The following PTPRE variants were observed in gnomAD, a reference collection of about 807,000 sequenced individuals.
The protein encoded by PTPRE is receptor-type tyrosine-protein phosphatase epsilon.
In PTPRE, 51 loss-of-function variants were observed where a neutral mutation model predicts 102.0. The ratio of observed to expected loss-of-function variants is 0.50; its 90% CI spans 0.40 to 0.63. The LOEUF is 0.63. Among genes scored for constraint, PTPRE ranks in the 30% least tolerant of loss-of-function variants. PTPRE has a pLI of 0.00. For synonymous variants in PTPRE, 345 were observed against 348.2 expected (o/e 0.99, Z 0.10); for missense variants, 752 against 915.1 (o/e 0.82, Z 2.30).
intron 1 of PTPRE, among the ~76,000 whole-genome samples, chr10:127,947,652 C>T (rs774303869): frequency 1.3e-5 from 2 of 152,158 alleles, no homozygotes; most frequent in Non-Finnish European, 2.9e-5. Flanking sequence ...TTAAAGGAGG[C>T]CTCCTTTCCC....
At chr10:128,052,973 G>C (rs1251538908) in intron 6 of PTPRE, among the ~76,000 whole-genome samples, 1 of 152,186 alleles carries the variant, frequency 6.6e-6, no homozygotes, top group East Asian at 1.9e-4. Flanking sequence ...TCTAGGCCGG[G>C]TGTGGTGGCT....
intron 1 of PTPRE, among the ~76,000 whole-genome samples, chr10:127,973,476 G>A (rs1850914637): frequency 6.6e-6 from 1 of 151,986 alleles, no homozygotes; most frequent in South Asian, 2.1e-4. Flanking sequence ...AGTTTAAATG[G>A]TTCAGATCAG....
rs1255636071 is a variant in PTPRE, at chr10:128,070,728, G to A, written c.1294-80G>A. 4 of 1,456,492 alleles carry A rather than the reference G, an allele frequency of 2.7e-6. No individual in the cohort carries two copies. The highest frequency in any genetic ancestry group is 3.8e-6 in the Non-Finnish European group (4 of 1,054,060). 90.2% of individuals were successfully genotyped at this position (1,456,492 alleles called of 1,614,324 possible). The stretch of plus-strand genomic sequence containing the variant: ...TTCCTTTGAGCAGGCGTCCTTGCCA[G>A]CAGCACTAGTCCTCGGCTGAGCAAT... On this transcript the variant is annotated intron_variant, in intron 14 of 20. Transcript: ENST00000254667. The surrounding 1 kb of genome is among the most constrained non-coding windows in gnomAD (Gnocchi z 4.8).
intron 2 of PTPRE, among the ~76,000 whole-genome samples, chr10:128,015,407 C>T (rs868771900): frequency 6.6e-6 from 1 of 152,018 alleles, no homozygotes; most frequent in Non-Finnish European, 1.5e-5. Flanking sequence ...CGCTCTGTCG[C>T]CCAGGCTGAA....
Position 128,061,679 on chromosome 10 carries a change from G to A in PTPRE, c.589G>A (p.Gly197Ser). The stretch of plus-strand genomic sequence containing the variant: ...ATAAATCTGATGTTATTTTTTCTAG[G>A]GTTACAAAGAGAAGAATAAATTCAT... ...SDYINASYID[G>S]YKEKNKFIAA... The change falls in exon 9 of 21, where the codon GGT becomes AGT. Residue 197 changes from glycine to serine, a missense_variant and splice_region_variant. Around this residue, in one of 2 missense-constraint regions of PTPRE, gnomAD observed 636 missense variants for 824.4 expected, o/e 0.77. Coordinates refer to ENST00000254667, the MANE Select transcript of PTPRE (RefSeq NM_006504.6). The A allele has an allele frequency of 6.3e-7, 1 of 1,576,746 alleles. No individual in the cohort carries two copies. Among genetic ancestry groups the A allele is most frequent in the Non-Finnish European group, 8.6e-7 (1 of 1,164,668 alleles).
chr10:128,052,999 A>G (rs1461745140), intron 6 of PTPRE, among the ~76,000 whole-genome samples: 1 of 152,196 alleles, frequency 6.6e-6, no homozygotes, highest in African/African-American at 2.4e-5. Flanking sequence ...CTGTACTCTC[A>G]GCACTTTGAG....
rs761146014 is a variant in PTPRE at position 128,070,938 on chromosome 10, G to T, written c.1387+37G>T. Reference sequence around the variant, plus strand: ...GTGGCGTGGCTTGGGCAGGGCTGGGGCGGGGCTGGTGCCGGAGGCTTTCAT... The same window carrying T: ...GTGGCGTGGCTTGGGCAGGGCTGGGTCGGGGCTGGTGCCGGAGGCTTTCAT... On this transcript the variant is annotated intron_variant, in intron 15 of 20. Transcript: ENST00000254667. The surrounding 1 kb of genome is among the most constrained non-coding windows in gnomAD (Gnocchi z 4.8). 6.3e-7 allele frequency: 1 copy of T among 1,581,434 alleles called. No individual in the cohort carries two copies. The highest frequency in any genetic ancestry group is 2.2e-5 in the East Asian group (1 of 44,678).
intron 1 of PTPRE, among the ~76,000 whole-genome samples, chr10:127,923,073 A>G (rs1005605067): frequency 6.6e-6 from 1 of 152,040 alleles, no homozygotes; most frequent in Non-Finnish European, 1.5e-5. Context: ...CCCAGCCTGC[A>G]CTCCTGTCCC....
rs1218821245 is a variant in PTPRE at position 128,072,733 on chromosome 10, C to CT, written c.1464+525dup. On this transcript the variant is annotated intron_variant, in intron 16 of 20. Coordinates refer to ENST00000254667, the MANE Select transcript of PTPRE (RefSeq NM_006504.6). Reference sequence around the variant, plus strand: ...TAGACTCGCTGCTAAGTAATTGGCTCTTTTTTCATTCTGCTTTTAATATAT... The same window carrying CT: ...TAGACTCGCTGCTAAGTAATTGGCTCTTTTTTTCATTCTGCTTTTAATATAT... 3.4e-5 allele frequency: 5 copies of CT among 148,270 alleles called. No homozygotes were observed. In the East Asian group the frequency reaches 1.0e-3, roughly 30 times the overall value. The allele number at this position is 148,270 out of a possible 1,614,324, so 9.2% of individuals were successfully genotyped here.
intron 1 of PTPRE, among the ~76,000 whole-genome samples, chr10:127,951,520 G>T (rs774776049): frequency 3.3e-5 from 5 of 152,190 alleles, no homozygotes; most frequent in Admixed American, 6.5e-5. Flanking sequence ...GATGTCAGGT[G>T]ATCAATAGAG....
chr10:127,972,906 A>G (rs1287764732), intron 1 of PTPRE, among the ~76,000 whole-genome samples: 1 of 152,150 alleles, frequency 6.6e-6, no homozygotes, highest in Non-Finnish European at 1.5e-5. Flanking sequence ...GAGGCCTGGG[A>G]CTGTCCAGCT....
At chr10:127,922,564 A>G (rs1367218882) in intron 1 of PTPRE, among the ~76,000 whole-genome samples, 1 of 152,346 alleles carries the variant, frequency 6.6e-6, no homozygotes, top group East Asian at 1.9e-4. Flanking sequence ...GGGGCCTGTC[A>G]TCCAAGTGGG....
intron 2 of PTPRE, among the ~76,000 whole-genome samples, chr10:128,002,153 G>A (rs866403036): frequency 6.6e-6 from 1 of 152,200 alleles, no homozygotes; most frequent in Non-Finnish European, 1.5e-5. Flanking sequence ...CGCCCCCGCT[G>A]ACAGCCAGAG....
intron 1 of PTPRE, among the ~76,000 whole-genome samples, chr10:127,940,430 G>A (rs777090500): frequency 1.3e-5 from 2 of 152,144 alleles, no homozygotes; most frequent in Non-Finnish European, 2.9e-5. Flanking sequence ...CCACACCTGT[G>A]CACCGGGCTG....
chr10:128,019,637 T>C (rs11016016), intron 2 of PTPRE, among the ~76,000 whole-genome samples: 4 of 102,432 alleles, frequency 3.9e-5, no homozygotes, highest in Admixed American at 1.0e-4. Flanking sequence ...GTCAGCCCAT[T>C]CATTCATTCA....
At chr10:128,061,635 A>G in intron 8 of PTPRE, 44 bp from the exon 9 acceptor site, 2 of 1,564,204 alleles carry the variant, frequency 1.3e-6, no homozygotes, top group African/African-American at 1.4e-5. Flanking sequence ...CCTTTCAGCA[A>G]AGATAATTCT....
chr10:128,014,820 C>G (rs770925243), intron 2 of PTPRE, among the ~76,000 whole-genome samples: 1 of 152,078 alleles, frequency 6.6e-6, no homozygotes, highest in African/African-American at 2.4e-5. Context: ...AAACCCAAAC[C>G]CTGTGGCTGG....
At chr10:127,958,839 T>G (rs1467597609) in intron 1 of PTPRE, among the ~76,000 whole-genome samples, 1 of 152,038 alleles carries the variant, frequency 6.6e-6, no homozygotes, top group Non-Finnish European at 1.5e-5. Context: ...TTTTAGAAGA[T>G]TATTAATTAT....
Position 128,083,095 on chromosome 10 carries a change from T to G in PTPRE, c.*189T>G, listed in dbSNP as rs1851859663. On this transcript the variant is annotated 3_prime_UTR_variant, in exon 21 of 21. Transcript: ENST00000254667. ...GCTTTTTAAAAATTGGAATAATGTA[T>G]TAAGGTCAAATAATATCCCATAAAA... 3 of 430,396 alleles carry G rather than the reference T, an allele frequency of 7.0e-6. No homozygotes were observed. The highest frequency in any genetic ancestry group is 1.2e-5 in the Non-Finnish European group (3 of 257,254). 26.7% of individuals were successfully genotyped at this position (430,396 alleles called of 1,614,324 possible).
Sources: gnomAD v4.1 joint callset for allele counts (sites outside exome capture counted in the v4.1 genomes callset) on GRCh38, gnomAD v4.1.1 for gene constraint, gnomAD v4.1.1 regional missense constraint, Gnocchi (gnomAD v3.1) non-coding constraint, MANE v1.5 for transcripts, NCBI Gene and HGNC (gene_info 2026-07-23, HGNC 2026-07-21) for gene names.